DCP1B: variants seen among roughly 807,000 people sequenced by gnomAD.
The protein encoded by DCP1B is decapping mRNA 1B.
Under a neutral mutation model 60.5 loss-of-function variants are expected in DCP1B, and 47 were observed. The ratio of observed to expected loss-of-function variants is 0.78; its 90% CI spans 0.61 to 0.99. The LOEUF is 0.99. DCP1B is among the 50% of genes least tolerant of loss of function. The pLI, the probability that DCP1B is intolerant of heterozygous loss-of-function variation, is 0.00. For synonymous variants in DCP1B, 267 were observed against 280.3 expected (o/e 0.95, Z 0.47); for missense variants, 725 against 756.8 (o/e 0.96, Z 0.49).
At chr12:2,001,063 T>C (rs1162084700) in intron 1 of DCP1B, among the ~76,000 whole-genome samples, 1 of 151,082 alleles carries the variant, frequency 6.6e-6, no homozygotes, top group Non-Finnish European at 1.5e-5. Context: ...AGAGAGATAA[T>C]CAGCTTACAC....
At chr12:1,944,514 T>C (rs12371262), downstream of DCP1B, among the ~76,000 whole-genome samples, 78,357 of 152,026 alleles carry the variant, frequency 0.52, 20,544 homozygotes, top group East Asian at 0.73. Flanking sequence ...GCAGGCATCA[T>C]GTTACCTGAC....
chr12:1,989,069 A>G (rs1416061813), intron 3 of DCP1B, among the ~76,000 whole-genome samples: 1 of 152,188 alleles, frequency 6.6e-6, no homozygotes, highest in Middle Eastern at 3.2e-3. Flanking sequence ...TCCTATATTC[A>G]ACTTGTTGGC....
chr12:1,969,642 T>C (rs1277168366), intron 3 of DCP1B, among the ~76,000 whole-genome samples: 2 of 151,464 alleles, frequency 1.3e-5, no homozygotes, highest in South Asian at 2.1e-4. Context: ...CTCAAGATCA[T>C]TGAATGTGTA....
chr12:1,970,520 G>C (rs2031936633), intron 3 of DCP1B, among the ~76,000 whole-genome samples: 1 of 152,184 alleles, frequency 6.6e-6, no homozygotes, highest in East Asian at 1.9e-4. Flanking sequence ...CAACTTGAGT[G>C]CATTCCCCTG....
downstream of DCP1B, among the ~76,000 whole-genome samples, chr12:1,941,807 A>G (rs2030285302): frequency 6.6e-6 from 1 of 152,174 alleles, no homozygotes; most frequent in African/African-American, 2.4e-5. Context: ...TATGGAAAGG[A>G]AAAACTGGTA....
chr12:1,965,992 T>G (rs2031281629), intron 4 of DCP1B: 1 of 279,216 alleles, frequency 3.6e-6, no homozygotes, highest in South Asian at 6.2e-5. Context: ...TTTGTTTACA[T>G]GTTGTTTATG....
At chr12:1,969,545 C>CT (rs780218221) in intron 3 of DCP1B, among the ~76,000 whole-genome samples, 83,670 of 130,106 alleles carry the variant, frequency 0.64, 26,881 homozygotes, top group Middle Eastern at 0.68. Context: ...GGTACACTGA[C>CT]TTTTTTTTTT....
intron 3 of DCP1B, among the ~76,000 whole-genome samples, chr12:1,980,297 C>T (rs1210750469): frequency 1.3e-5 from 2 of 152,172 alleles, no homozygotes; most frequent in African/African-American, 4.8e-5. Flanking sequence ...CAAGAAACTA[C>T]GGCTACATGC....
rs534852013 is a variant in DCP1B, at chr12:1,946,095, C to T, written c.*111G>A. 6 of 813,480 alleles carry T rather than the reference C, an allele frequency of 7.4e-6. No individual in the cohort carries two copies. The highest frequency in any genetic ancestry group is 1.1e-5 in the Non-Finnish European group (6 of 544,050). The allele number at this position is 813,480 out of a possible 1,614,324, so 50.4% of individuals were successfully genotyped here. A position where few individuals can be genotyped will look rare whatever the true frequency, so the allele number is the denominator to read the frequency against. ...AACATTTTACTTCATATTACACATA[C>T]TTTTTTTTTAAAAAAGGCAGAAACA... On this transcript the variant is annotated 3_prime_UTR_variant, in exon 9 of 9. Coordinates refer to ENST00000280665, the MANE Select transcript of DCP1B (RefSeq NM_152640.5).
chr12:1,967,056 T>C (rs1479959739), intron 4 of DCP1B, among the ~76,000 whole-genome samples: 1 of 152,194 alleles, frequency 6.6e-6, no homozygotes, highest in Non-Finnish European at 1.5e-5. Flanking sequence ...TCTGAGACTC[T>C]TCCCATCCCC....
rs962264666 is a variant in DCP1B, at chr12:1,953,048, T to C, written c.892A>G (p.Met298Val). 6.2e-7 allele frequency: 1 copy of C among 1,611,922 alleles called. No homozygotes were observed. The highest frequency in any genetic ancestry group is 8.5e-7 in the Non-Finnish European group (1 of 1,178,240). The change falls in exon 7 of 9, where the codon ATG becomes GTG. Residue 298 changes from methionine to valine, a missense_variant. Transcript: ENST00000280665. ...KQLCPAIQKL[M>V]VRSADLHPLS... ...GGGTGGAGGTCTGCGCTCCTGACCA[T>C]GAGTTTCTGAATGGCTGGACAGAGC...
chr12:1,956,268 G>C (rs1317332929), intron 5 of DCP1B, among the ~76,000 whole-genome samples: 1 of 152,100 alleles, frequency 6.6e-6, no homozygotes, highest in Non-Finnish European at 1.5e-5. Flanking sequence ...AAAGAGCATG[G>C]CAATGATACT....
intron 2 of DCP1B, among the ~76,000 whole-genome samples, chr12:1,996,639 A>AC (rs1224660736): frequency 3.4e-5 from 4 of 117,116 alleles, no homozygotes; most frequent in African/African-American, 6.9e-5. Context: ...AAAAAAAAAA[A>AC]AAAAAAAAAA....
At chr12:1,992,403 A>C (rs1467638835) in intron 3 of DCP1B, 1 of 153,114 alleles carries the variant, frequency 6.5e-6, no homozygotes, top group Non-Finnish European at 1.5e-5. Flanking sequence ...ATGGTAGGCA[A>C]ATTCATGTAT....
At chr12:1,968,577 A>G (rs937065981) in intron 3 of DCP1B, among the ~76,000 whole-genome samples, 5 of 152,016 alleles carry the variant, frequency 3.3e-5, no homozygotes, top group African/African-American at 1.2e-4. Flanking sequence ...TTGTTTCTAC[A>G]CTCCATTTGC....
chr12:1,984,778 T>TA (rs764705302), intron 3 of DCP1B, among the ~76,000 whole-genome samples: 9,511 of 81,196 alleles, frequency 0.12, 602 homozygotes, highest in African/African-American at 0.14. Flanking sequence ...GGTCTTCTGG[T>TA]AAAAAAAAAA....
chr12:2,003,335 T>C (rs1156567294), intron 1 of DCP1B, among the ~76,000 whole-genome samples: 1 of 152,262 alleles, frequency 6.6e-6, no homozygotes, highest in Non-Finnish European at 1.5e-5. Flanking sequence ...AAAAAGTTTA[T>C]CTGAAATCCA....
rs1443576587 is a variant in DCP1B at position 1,948,243 on chromosome 12, C to T, written c.1773+843G>A. ...AGGGCACCTGTGCTGAATGTTCTCC[C>T]GAGGCTGGTCCCTGCCAACATTCAT... On this transcript the variant is annotated intron_variant, in intron 8 of 8. Transcript: ENST00000280665. This position sits in a 1 kb window ranked among gnomAD's most constrained non-coding sequence, Gnocchi z 4.8. Among the ~76,000 whole-genome samples, 1 of 152,224 alleles carries T rather than the reference C, an allele frequency of 6.6e-6. No homozygotes were observed. Among genetic ancestry groups the T allele is most frequent in the African/African-American group, 2.4e-5 (1 of 41,454 alleles).
intron 5 of DCP1B, among the ~76,000 whole-genome samples, chr12:1,957,345 C>G (rs1459187500): frequency 6.6e-6 from 1 of 152,136 alleles, no homozygotes; most frequent in Non-Finnish European, 1.5e-5. Context: ...CACACAAACA[C>G]ATACATACAT....
Sources: gnomAD v4.1 joint callset for allele counts (sites outside exome capture counted in the v4.1 genomes callset) on GRCh38, gnomAD v4.1.1 for gene constraint, Gnocchi (gnomAD v3.1) non-coding constraint, MANE v1.5 for transcripts, NCBI Gene and HGNC (gene_info 2026-07-23, HGNC 2026-07-21) for gene names.